The following PTBP2 variants were observed in gnomAD, a reference collection of about 807,000 sequenced individuals.
PTBP2 encodes polypyrimidine tract binding protein 2, also known as polypyrimidine tract-binding protein 2.
A neutral mutation model predicts 61.4 loss-of-function variants in PTBP2; 13 were observed. The ratio of observed to expected loss-of-function variants is 0.21; its 90% confidence interval spans 0.14 to 0.34. The LOEUF (loss-of-function observed/expected upper bound fraction) is 0.34. Among genes scored for constraint, PTBP2 ranks in the 10% least tolerant of loss-of-function variants. PTBP2 has a pLI of 1.00. For synonymous variants in PTBP2, 215 were observed against 218.5 expected, an observed-to-expected ratio of 0.98 and a Z score of 0.14; for missense variants, 405 against 642.6, an observed-to-expected ratio of 0.63 and a Z score of 4.00.
intron 3 of PTBP2, among the ~76,000 whole-genome samples, chr1:96,762,794 C>T (rs549409096): frequency 9.7e-4 from 147 of 151,534 alleles, no homozygotes; most frequent in African/African-American, 3.0e-3. Flanking sequence ...GCGTGGCTGC[C>T]GGGCGGAGGG....
intron 2 of PTBP2, among the ~76,000 whole-genome samples, chr1:96,725,339 C>T (rs1306787234): frequency 8.7e-5 from 12 of 138,216 alleles, no homozygotes; most frequent in African/African-American, 2.1e-4. Flanking sequence ...TCTCACTCTT[C>T]GCCCAGGTGG....
chr1:96,809,601 C>T (rs1661842245), intron 11 of PTBP2, among the ~76,000 whole-genome samples: 1 of 152,056 alleles, frequency 6.6e-6, no homozygotes, highest in Admixed American at 6.6e-5. Flanking sequence ...CAGCCTCGAC[C>T]TCCCAGGCTT....
At chr1:96,798,912 A>G (rs1052783194) in intron 8 of PTBP2, among the ~76,000 whole-genome samples, 2 of 152,218 alleles carry the variant, frequency 1.3e-5, no homozygotes, top group African/African-American at 4.8e-5. Context: ...TTTCTAAATG[A>G]TTTAATTAAC....
chr1:96,791,836 T>TTTTTTTTTTGTTTTTTTTTG lies in PTBP2; in HGVS notation c.904+6591_904+6592insGTTTTTTTTTGTTTTTTTTT, dbSNP rs1659859361. Among the ~76,000 whole-genome samples, 6 of 136,036 alleles carry TTTTTTTTTTGTTTTTTTTTG rather than the reference T, an allele frequency of 4.4e-5. No homozygotes were observed. In the East Asian group the frequency reaches 1.1e-3, roughly 24 times the overall value. 89.2% of individuals were successfully genotyped at this position (136,036 alleles called of 152,430 possible). A position where few individuals can be genotyped will look rare whatever the true frequency, so the allele number is the denominator to read the frequency against. ...TTGCTTGGAGTTGTGCTTTTTTTTT[T>TTTTTTTTTTGTTTTTTTTTG]TTTTTTTTTTTTTGAGATAGAGTCT... On this transcript the variant is annotated intron_variant, in intron 8 of 13. Transcript: ENST00000674951.
intron 11 of PTBP2, among the ~76,000 whole-genome samples, chr1:96,810,294 AT>A (rs1661944068): frequency 6.6e-6 from 1 of 152,180 alleles, no homozygotes; most frequent in African/African-American, 2.4e-5. Context: ...TAAGATTCAC[AT>A]TGTTTAAAAT....
At chr1:96,791,016 GA>G (rs11342723) in intron 8 of PTBP2, among the ~76,000 whole-genome samples, 121,934 of 149,126 alleles carry the variant, frequency 0.82, 49,977 homozygotes, top group African/African-American at 0.91. Context: ...ACATAATTGT[GA>G]AAAAAAAAAA....
chr1:96,749,779 G>A, intron 2 of PTBP2: 4 of 383,120 alleles, frequency 1.0e-5, no homozygotes, highest in East Asian at 7.6e-5. Context: ...TGTGAGCCAG[G>A]CACTTTGCCT....
chr1:96,813,528 T>C lies in PTBP2; in HGVS notation c.*123T>C. The C allele has an allele frequency of 1.0e-6, 1 of 975,796 alleles. No individual in the cohort carries two copies. The highest frequency in any genetic ancestry group is 1.4e-6 in the Non-Finnish European group (1 of 703,932). The allele number at this position is 975,796 out of a possible 1,614,324, so 60.4% of individuals were successfully genotyped here. On this transcript the variant is annotated 3_prime_UTR_variant, in exon 14 of 14. Coordinates refer to ENST00000674951, the MANE Select transcript of PTBP2 (RefSeq NM_021190.4). ...TTTTTGTTTTTTTGGGGTTTCTTTT[T>C]TTTTTCCATGCTGTTATCATTCCTT... is the stretch of plus-strand genomic sequence containing the variant.
chr1:96,818,289 T>TA (rs1158522459), downstream of PTBP2: 1 of 152,064 alleles, frequency 6.6e-6, no homozygotes, highest in Admixed American at 6.6e-5. Flanking sequence ...ATTTCAAACA[T>TA]ACAAAAAATA....
At chr1:96,783,773 G>T (rs1409256260) in intron 7 of PTBP2, among the ~76,000 whole-genome samples, 7 of 151,932 alleles carry the variant, frequency 4.6e-5, no homozygotes, top group Non-Finnish European at 7.4e-5. Flanking sequence ...TTACACCAGG[G>T]TATTCAATTA....
chr1:96,816,628 C>CTTTGGAA (rs1662497237), downstream of PTBP2: 1 of 152,140 alleles, frequency 6.6e-6, no homozygotes, highest in African/African-American at 2.4e-5. Context: ...TAAATTAACA[C>CTTTGGAA]TTTGGAAGCA....
chr1:96,776,491 A>G (rs535574530), intron 5 of PTBP2, among the ~76,000 whole-genome samples: 2 of 152,050 alleles, frequency 1.3e-5, no homozygotes, highest in Admixed American at 1.3e-4. Flanking sequence ...AAGCCGTGTG[A>G]TCTGTGGTTA....
chr1:96,748,994 A>G (rs1052216690), intron 2 of PTBP2, among the ~76,000 whole-genome samples: 3 of 152,326 alleles, frequency 2.0e-5, no homozygotes, highest in Middle Eastern at 3.4e-3. Context: ...TAAAATCTCA[A>G]AATTGCAAAT....
chr1:96,749,171 A>G (rs567834014), intron 2 of PTBP2, among the ~76,000 whole-genome samples: 1 of 150,730 alleles, frequency 6.6e-6, no homozygotes, highest in South Asian at 2.1e-4. Context: ...AGTGTCCTTC[A>G]TAGCACACCA....
chr1:96,775,280 C>G (rs911189331), intron 5 of PTBP2, among the ~76,000 whole-genome samples: 7 of 152,094 alleles, frequency 4.6e-5, no homozygotes, highest in Admixed American at 4.6e-4. Context: ...GTAGTAAACT[C>G]GCTCCTAGTT....
At chr1:96,817,897 T>A (rs1025395822), downstream of PTBP2, 3 of 152,110 alleles carry the variant, frequency 2.0e-5, no homozygotes, top group Admixed American at 1.3e-4. Flanking sequence ...AAACACACTT[T>A]ATAATTTTTA....
At chr1:96,759,191 A>G (rs1655504775) in intron 3 of PTBP2, among the ~76,000 whole-genome samples, 1 of 152,216 alleles carries the variant, frequency 6.6e-6, no homozygotes, top group African/African-American at 2.4e-5. Flanking sequence ...TCAATATGTT[A>G]ACATGCCAGT....
exon 14 of PTBP2, chr1:96,822,235 G>A (rs936707963): frequency 6.6e-6 from 1 of 152,182 alleles, no homozygotes; most frequent in African/African-American, 2.4e-5. Flanking sequence ...TTAGCAGTTA[G>A]GAAAGGATTC....
chr1:96,725,008 G>T (rs942260493), intron 2 of PTBP2, among the ~76,000 whole-genome samples: 1 of 152,036 alleles, frequency 6.6e-6, no homozygotes, highest in Non-Finnish European at 1.5e-5. Context: ...AGTTCATTTT[G>T]TACAGACTAA....
Sources: allele counts gnomAD v4.1 joint callset (sites outside exome capture counted in the v4.1 genomes callset), GRCh38; gene constraint gnomAD v4.1.1; transcripts MANE v1.5; gene names NCBI Gene and HGNC (gene_info 2026-07-23, HGNC 2026-07-21).